Variants in MARCHF8 observed in about 807,000 individuals in gnomAD.
MARCHF8 encodes the protein E3 ubiquitin-protein ligase MARCHF8.
MARCHF8 carries 40 observed loss-of-function variants against 51.6 expected under a neutral mutation model. That is an observed-to-expected ratio of 0.77 (90% CI 0.60 to 1.01). MARCHF8 has a LOEUF of 1.01. Among genes scored for constraint, MARCHF8 ranks in the 50% least tolerant of loss-of-function variants. The pLI, the probability that MARCHF8 is intolerant of heterozygous loss-of-function variation, is 0.00. For synonymous variants in MARCHF8, 263 were observed against 280.3 expected (o/e 0.94, Z 0.62); for missense variants, 685 against 708.6 (o/e 0.97, Z 0.38).
At chr10:45,499,212 C>A (rs2043231741) in intron 2 of MARCHF8, among the ~76,000 whole-genome samples, 1 of 152,122 alleles carries the variant, frequency 6.6e-6, no homozygotes, top group African/African-American at 2.4e-5. Context: ...TGATGTTGAC[C>A]ATCTTTTCAT....
At chr10:45,550,888 C>A (rs1213454994) in intron 1 of MARCHF8, among the ~76,000 whole-genome samples, 3 of 152,220 alleles carry the variant, frequency 2.0e-5, no homozygotes, top group Non-Finnish European at 2.9e-5. Flanking sequence ...ACATTAAAAA[C>A]AGTCCTTCAA....
intron 2 of MARCHF8, among the ~76,000 whole-genome samples, chr10:45,509,051 C>A (rs1376107434): frequency 6.6e-6 from 1 of 152,116 alleles, no homozygotes; most frequent in East Asian, 1.9e-4. Context: ...AGCTACAGGC[C>A]AGAAGGAATC....
intron 2 of MARCHF8, among the ~76,000 whole-genome samples, chr10:45,498,933 A>G (rs1276493347): frequency 6.6e-6 from 1 of 152,212 alleles, no homozygotes; most frequent in African/African-American, 2.4e-5. Flanking sequence ...TATCTCTTTG[A>G]GACCTGGCTT....
At chr10:45,481,788 C>A (rs1433156900) in intron 3 of MARCHF8, among the ~76,000 whole-genome samples, 2 of 152,192 alleles carry the variant, frequency 1.3e-5, no homozygotes, top group Non-Finnish European at 2.9e-5. Context: ...ACTTTCACCA[C>A]TCCTGTTCAA....
intron 1 of MARCHF8, among the ~76,000 whole-genome samples, chr10:45,553,651 A>C (rs2044220180): frequency 6.6e-6 from 1 of 152,114 alleles, no homozygotes; most frequent in Admixed American, 6.6e-5. Flanking sequence ...ATAAACTGGT[A>C]AATTCACACA....
At chr10:45,526,741 C>A (rs989954077) in intron 2 of MARCHF8, among the ~76,000 whole-genome samples, 17 of 151,630 alleles carry the variant, frequency 1.1e-4, no homozygotes, top group African/African-American at 3.9e-4. Context: ...AAAAACCCCA[C>A]TGGATTTAAA....
intron 1 of MARCHF8, among the ~76,000 whole-genome samples, chr10:45,569,064 C>CAAA (rs71023131): frequency 6.6e-4 from 42 of 64,084 alleles, no homozygotes; most frequent in East Asian, 1.0e-3. Context: ...GACTCCATCT[C>CAAA]AAAAAAAAAA....
intron 2 of MARCHF8, among the ~76,000 whole-genome samples, chr10:45,511,710 C>T (rs1190724541): frequency 6.6e-6 from 1 of 152,240 alleles, no homozygotes. Flanking sequence ...TCACTCAGTG[C>T]TCAATGGTGC....
intron 2 of MARCHF8, among the ~76,000 whole-genome samples, chr10:45,505,572 G>A (rs923204500): frequency 3.9e-5 from 6 of 152,210 alleles, no homozygotes; most frequent in South Asian, 2.1e-4. Context: ...CACAGTGACT[G>A]GTTGAAGAAC....
At chr10:45,551,304 TA>T (rs2044191896) in intron 1 of MARCHF8, among the ~76,000 whole-genome samples, 1 of 152,276 alleles carries the variant, frequency 6.6e-6, no homozygotes, top group African/African-American at 2.4e-5. Flanking sequence ...ATTAAGAACA[TA>T]AAATCACAGT....
chr10:45,524,476 T>C (rs1056068037), intron 2 of MARCHF8, among the ~76,000 whole-genome samples: 1 of 152,202 alleles, frequency 6.6e-6, no homozygotes, highest in Non-Finnish European at 1.5e-5. Context: ...TAATCTCTTG[T>C]GGCCCTTGCA....
chr10:45,482,396 C>A (rs2042903861), intron 3 of MARCHF8, among the ~76,000 whole-genome samples: 1 of 152,206 alleles, frequency 6.6e-6, no homozygotes, highest in Admixed American at 6.5e-5. Flanking sequence ...AGGGATCACA[C>A]TGCCTGACTT....
At chr10:45,536,747 G>A (rs1263774268), upstream of MARCHF8, among the ~76,000 whole-genome samples, 2 of 151,216 alleles carry the variant, frequency 1.3e-5, no homozygotes, top group Non-Finnish European at 2.9e-5. Context: ...TATCATCTCA[G>A]CATTTTCGGA....
At chr10:45,591,592 C>T (rs34574958) in intron 1 of MARCHF8, among the ~76,000 whole-genome samples, 9,376 of 152,132 alleles carry the variant, frequency 0.062, 332 homozygotes, top group Non-Finnish European at 0.067. Flanking sequence ...TAATATTCTA[C>T]TTTTTTCAAT....
chr10:45,541,675 C>T (rs2044054681), intron 1 of MARCHF8, among the ~76,000 whole-genome samples: 1 of 151,908 alleles, frequency 6.6e-6, no homozygotes, highest in Admixed American at 6.6e-5. Flanking sequence ...TAAAATGAAA[C>T]AAATTTCAAC....
Position 45,463,379 on chromosome 10 carries a change from A to G in MARCHF8, c.860T>C (p.Leu287Pro). ...CCCGCTGGAGGACTTGGCAGTGTGCAGGCGAGCAGCGCAGCTCTCCAGCTC... is the reference window on the plus strand; with the variant it reads ...CCCGCTGGAGGACTTGGCAGTGTGCGGGCGAGCAGCGCAGCTCTCCAGCTC... ...FHELESCAAR[L>P]HTAKSSSGLA... Residue 287 changes from leucine (L) to proline (P), a missense_variant, in exon 5 of 8, where the codon CTG (leucine) becomes CCG (proline). Transcript: ENST00000453424. The G allele has an allele frequency of 6.4e-7, 1 of 1,550,752 alleles. No homozygotes were observed. The highest frequency in any genetic ancestry group is 8.7e-7 in the Non-Finnish European group (1 of 1,147,010).
intron 1 of MARCHF8, among the ~76,000 whole-genome samples, chr10:45,580,069 A>T (rs1256642570): frequency 6.6e-6 from 1 of 151,932 alleles, no homozygotes; most frequent in African/African-American, 2.4e-5. Flanking sequence ...TCTGAAAGAA[A>T]TAATCTAAAC....
At chr10:45,492,544 G>A (rs1018865985) in intron 2 of MARCHF8, among the ~76,000 whole-genome samples, 4 of 152,106 alleles carry the variant, frequency 2.6e-5, no homozygotes, top group South Asian at 2.1e-4. Context: ...TGATCTGCCC[G>A]CCTCGGCCTC....
intron 2 of MARCHF8, among the ~76,000 whole-genome samples, chr10:45,513,359 G>A (rs147460088): frequency 2.0e-3 from 307 of 152,174 alleles, no homozygotes; most frequent in Middle Eastern, 6.8e-3. Flanking sequence ...TCAGAAACAC[G>A]TTTATTAACC....
Sources: allele counts gnomAD v4.1 joint callset (sites outside exome capture counted in the v4.1 genomes callset), GRCh38; gene constraint gnomAD v4.1.1; transcripts MANE v1.5; gene names NCBI Gene and HGNC (gene_info 2026-07-23, HGNC 2026-07-21).